Variants in NMT2 observed in about 807,000 individuals in gnomAD.
NMT2 encodes N-myristoyltransferase 2, also known as glycylpeptide N-tetradecanoyltransferase 2.
NMT2 carries 35 observed loss-of-function variants against 65.4 expected under a neutral mutation model. The observed-to-expected ratio is 0.54, with a 90% confidence interval of 0.41 to 0.71. The LOEUF (loss-of-function observed/expected upper bound fraction) is 0.71, where lower values mean the gene tolerates loss of function less well. NMT2 is among the 30% of genes least tolerant of loss of function. The probability of loss-of-function intolerance (pLI) is 0.00; values close to 1 mark genes in which losing one functional copy is unlikely to be tolerated. For synonymous variants in NMT2, 226 were observed against 231.8 expected (o/e 0.98, Z 0.23); for missense variants, 489 against 611.3 (o/e 0.80, Z 2.11).
chr10:15,138,900 T>C (rs1846619680), intron 2 of NMT2, among the ~76,000 whole-genome samples: 3 of 152,336 alleles, frequency 2.0e-5, no homozygotes, highest in South Asian at 2.1e-4. Context: ...TTGATTGGAT[T>C]GAAGGATACA....
Position 15,156,714 on chromosome 10 carries a change from T to C in NMT2, c.110+11789A>G, listed in dbSNP as rs529580478. 1.4e-4 allele frequency among the ~76,000 whole-genome samples: 21 copies of C among 152,146 alleles called. No homozygotes were observed. In the South Asian group the frequency reaches 3.7e-3, roughly 27 times the overall value. On this transcript the variant is annotated intron_variant, in intron 1 of 11. Transcript: ENST00000378165. ...GAGTTTGAGACCAGCCTGACCAACATGGTGAAACCCCATTCTACTAAAAAT... is the reference window on the plus strand; with the variant it reads ...GAGTTTGAGACCAGCCTGACCAACACGGTGAAACCCCATTCTACTAAAAAT...
chr10:15,153,300 A>G (rs1241427365), intron 1 of NMT2, among the ~76,000 whole-genome samples: 1 of 152,248 alleles, frequency 6.6e-6, no homozygotes, highest in Non-Finnish European at 1.5e-5. Context: ...AGGTTGATCT[A>G]CGTATTTTGA....
chr10:15,167,456 C>G (rs983786787), intron 1 of NMT2, among the ~76,000 whole-genome samples: 1 of 152,192 alleles, frequency 6.6e-6, no homozygotes. Flanking sequence ...ATCTGTGACT[C>G]AGGCCTCCCT....
At chr10:15,147,108 A>AAAAAAAAAAAAAAAAAAAAAAAAAAAAAG in intron 1 of NMT2, among the ~76,000 whole-genome samples, 1 of 68,860 alleles carries the variant, frequency 1.5e-5, no homozygotes, top group Non-Finnish European at 2.7e-5. Context: ...AAAAAAAAAA[A>AAAAAAAAAAAAAAAAAAAAAAAAAAAAAG]AAAAAAAAAA....
intron 2 of NMT2, chr10:15,138,430 A>G (rs1220772066): frequency 6.4e-6 from 3 of 471,184 alleles, no homozygotes; most frequent in Admixed American, 2.3e-5. Flanking sequence ...CACCTTCCAT[A>G]GTAGCACTAC....
At chr10:15,122,133 C>G (rs1165340272) in intron 8 of NMT2, among the ~76,000 whole-genome samples, 2 of 152,094 alleles carry the variant, frequency 1.3e-5, no homozygotes, top group Non-Finnish European at 2.9e-5. Flanking sequence ...TTTCAAATAG[C>G]CTTTCTCAAT....
chr10:15,146,280 G>T (rs757847668), intron 1 of NMT2, among the ~76,000 whole-genome samples: 10 of 152,168 alleles, frequency 6.6e-5, no homozygotes, highest in Non-Finnish European at 1.2e-4. Flanking sequence ...AAAATTTAAT[G>T]AGCACATCCA....
intron 2 of NMT2, 170 bp downstream of exon 2, chr10:15,141,252 G>A: frequency 2.2e-6 from 2 of 911,778 alleles, no homozygotes; most frequent in Admixed American, 2.6e-5. Flanking sequence ...CGTTATTTGG[G>A]TGCCAAAGTC....
At chr10:15,120,522 G>A (rs138964282) in intron 8 of NMT2, among the ~76,000 whole-genome samples, 81 of 152,206 alleles carry the variant, frequency 5.3e-4, no homozygotes, top group Middle Eastern at 3.4e-3. Context: ...ACAATGCTAC[G>A]CCATCTTATA....
In NMT2 at chr10:15,168,642, T is replaced by TGGCTGGGGAGG; in HGVS notation, c.-31_-30insCCTCCCCAGCC. On this transcript the variant is annotated 5_prime_UTR_variant, in exon 1 of 12. Transcript: ENST00000378165. ...GCGGCGCTGGCTGGGGAGGCGGTGCTCGGGGCCGGGCCGGAGCGGCCGCAG... is the reference window on the plus strand; with the variant it reads ...GCGGCGCTGGCTGGGGAGGCGGTGCTGGCTGGGGAGGCGGGGCCGGGCCGGAGCGGCCGCAG... 1 of 1,545,032 alleles carries TGGCTGGGGAGG rather than the reference T, an allele frequency of 6.5e-7. No homozygotes were observed. The highest frequency in any genetic ancestry group is 8.7e-7 in the Non-Finnish European group (1 of 1,147,966).
intron 1 of NMT2, chr10:15,155,066 CTCA>C (rs1159340306): frequency 3.0e-6 from 4 of 1,321,740 alleles, no homozygotes; most frequent in Admixed American, 1.7e-5. Flanking sequence ...GAATGAAGTT[CTCA>C]TCATCAAATT....
chr10:15,111,938 C>G (rs546939443), intron 10 of NMT2, among the ~76,000 whole-genome samples: 56 of 151,470 alleles, frequency 3.7e-4, no homozygotes, highest in Non-Finnish European at 7.1e-4. Context: ...CTCAGCCTCC[C>G]GAGTAGCTGG....
chr10:15,156,756 C>T (rs758845694), intron 1 of NMT2, among the ~76,000 whole-genome samples: 7 of 152,010 alleles, frequency 4.6e-5, no homozygotes, highest in African/African-American at 1.2e-4. Flanking sequence ...ATTAGCCATA[C>T]GTGGTGGCAC....
intron 8 of NMT2, among the ~76,000 whole-genome samples, chr10:15,125,587 C>T (rs935052372): frequency 1.3e-5 from 2 of 152,100 alleles, no homozygotes; most frequent in Non-Finnish European, 2.9e-5. Context: ...CAAAGTGGAA[C>T]AGCATTTGCC....
At chr10:15,166,561 A>G (rs1418989314) in intron 1 of NMT2, among the ~76,000 whole-genome samples, 4 of 152,220 alleles carry the variant, frequency 2.6e-5, no homozygotes, top group African/African-American at 7.2e-5. Flanking sequence ...CAGGCAATCC[A>G]AGGAGAGCAG....
At position 15,107,577 on chromosome 10, in the gene NMT2, T is replaced by C. The variant is rs983094109; in HGVS notation, c.*1618A>G. 5 of 513,382 alleles carry C rather than the reference T, an allele frequency of 9.7e-6. No homozygotes were observed. Among genetic ancestry groups the C allele is most frequent in the Non-Finnish European group, 1.3e-5 (5 of 399,338 alleles). The allele number at this position is 513,382 out of a possible 1,614,324, so 31.8% of individuals were successfully genotyped here. A position where few individuals can be genotyped will look rare whatever the true frequency, so the allele number is the denominator to read the frequency against. On this transcript the variant is annotated 3_prime_UTR_variant, in exon 12 of 12. Coordinates refer to ENST00000378165, the MANE Select transcript of NMT2 (RefSeq NM_004808.3). Reference sequence around the variant, plus strand: ...AAGTGATTCTCCTGCCTCAGCCTCCTAGCAGCTGGGATTACAGGCACCCGC... The same window carrying C: ...AAGTGATTCTCCTGCCTCAGCCTCCCAGCAGCTGGGATTACAGGCACCCGC...
intron 10 of NMT2, among the ~76,000 whole-genome samples, chr10:15,110,784 T>C (rs906675854): frequency 5.9e-5 from 9 of 152,214 alleles, no homozygotes; most frequent in Non-Finnish European, 1.5e-5. Flanking sequence ...ATTTATGTTT[T>C]ATTTATTTAT....
intron 3 of NMT2, 76 bp downstream of exon 3, chr10:15,135,198 G>A: frequency 3.1e-6 from 4 of 1,285,894 alleles, no homozygotes; most frequent in Admixed American, 1.7e-5. Flanking sequence ...GTGTTTTGTT[G>A]TTGTTGTTGT....
rs1361967637 is a variant in NMT2, at chr10:15,108,777, T to C, written c.*418A>G. 3.9e-6 allele frequency: 4 copies of C among 1,025,916 alleles called. No homozygotes were observed. The highest frequency in any genetic ancestry group is 4.7e-6 in the Non-Finnish European group (4 of 857,346). The allele number at this position is 1,025,916 out of a possible 1,614,324, so 63.6% of individuals were successfully genotyped here. Reference sequence around the variant, plus strand: ...CAAATGGATCTTTTGTTCTGTTACATGGACAAATGTACCATCACTTAAGAA... The same window carrying C: ...CAAATGGATCTTTTGTTCTGTTACACGGACAAATGTACCATCACTTAAGAA... On this transcript the variant is annotated 3_prime_UTR_variant, in exon 12 of 12. Coordinates refer to ENST00000378165, the MANE Select transcript of NMT2 (RefSeq NM_004808.3).
Sources: gnomAD v4.1 joint callset for allele counts (sites outside exome capture counted in the v4.1 genomes callset) on GRCh38, gnomAD v4.1.1 for gene constraint, MANE v1.5 for transcripts, NCBI Gene and HGNC (gene_info 2026-07-23, HGNC 2026-07-21) for gene names.